LTBP2: variants seen among roughly 807,000 people sequenced by gnomAD.
The protein encoded by LTBP2 is latent-transforming growth factor beta-binding protein 2.
LTBP2 carries 103 observed loss-of-function variants against 210.6 expected under a neutral mutation model. The observed-to-expected ratio is 0.49, with a 90% CI of 0.42 to 0.58. The LOEUF is 0.58. Among genes scored for constraint, LTBP2 ranks in the 20% least tolerant of loss-of-function variants. The pLI is 0.00. For synonymous variants in LTBP2, 1,007 were observed against 1,015.0 expected, an observed-to-expected ratio of 0.99 and a Z score of 0.15; for missense variants, 2,313 against 2,494.5, an observed-to-expected ratio of 0.93 and a Z score of 1.55.
rs375244942 is a variant in LTBP2, at chr14:74,516,964, T to A, written c.2789-23A>T. ...TATCTGTGAACACACAGAAAAGCCC[T>A]GAGTCACAGCCAGCCCTGGAGGATG... On this transcript the variant is annotated intron_variant, in intron 17 of 35. Transcript: ENST00000261978. 4.1e-4 allele frequency: 638 copies of A among 1,549,724 alleles called. 1 individual carries two copies. Among genetic ancestry groups the A allele is most frequent in the Non-Finnish European group, 5.4e-4 (616 of 1,146,970 alleles).
At chr14:74,501,881 G>A (rs1404802973) in intron 34 of LTBP2, 3 of 503,472 alleles carry the variant, frequency 6.0e-6, no homozygotes, top group East Asian at 7.3e-5. Context: ...TGGGGTTTGG[G>A]TGGTCGAGGA....
chr14:74,542,972 T>C (rs1408580534), intron 8 of LTBP2, among the ~76,000 whole-genome samples: 2 of 151,924 alleles, frequency 1.3e-5, no homozygotes, highest in Admixed American at 6.6e-5. Flanking sequence ...TTTCACCATG[T>C]TGGCCAGGAT....
At chr14:74,544,204 T>C (rs1430271314) in intron 8 of LTBP2, among the ~76,000 whole-genome samples, 1 of 152,182 alleles carries the variant, frequency 6.6e-6, no homozygotes, top group Non-Finnish European at 1.5e-5. Context: ...GGGCATCTCA[T>C]CCAGAATCCC....
At chr14:74,545,383 T>C (rs2087564351) in intron 8 of LTBP2, among the ~76,000 whole-genome samples, 1 of 152,228 alleles carries the variant, frequency 6.6e-6, no homozygotes, top group Non-Finnish European at 1.5e-5. Context: ...GTTCAGGAAC[T>C]GGCGGCTATT....
At chr14:74,536,260 T>C (rs1193840823) in intron 8 of LTBP2, among the ~76,000 whole-genome samples, 2 of 152,154 alleles carry the variant, frequency 1.3e-5, no homozygotes, top group Admixed American at 6.5e-5. Flanking sequence ...CACTTACATA[T>C]GGGACCTAAG....
At chr14:74,552,663 T>C (rs2087676265) in intron 5 of LTBP2, among the ~76,000 whole-genome samples, 1 of 152,256 alleles carries the variant, frequency 6.6e-6, no homozygotes, top group African/African-American at 2.4e-5. Flanking sequence ...GGCATTATCA[T>C]GAACTCTGTC....
chr14:74,506,569 T>C lies in LTBP2; in HGVS notation c.4033+129A>G, dbSNP rs2086987879. The C allele has an allele frequency of 2.7e-6, 4 of 1,459,916 alleles. No individual in the cohort carries two copies. The South Asian group carries it at 3.5e-5, about 13-fold the overall frequency. The allele number at this position is 1,459,916 out of a possible 1,614,324, so 90.4% of individuals were successfully genotyped here. A position where few individuals can be genotyped will look rare whatever the true frequency, so the allele number is the denominator to read the frequency against. On this transcript the variant is annotated intron_variant, in intron 27 of 35. Transcript: ENST00000261978. The stretch of plus-strand genomic sequence containing the variant: ...GCGAGGAGTTGAAGTCTCCCTCTTC[T>C]TTGAAGCCTCCCTTGCCCATGCTCT...
In LTBP2 at chr14:74,535,910, G is replaced by C; in HGVS notation, c.1864+16C>G. ...CCCGGCATCCTTGAGCCCAGCCCTG[G>C]CCCTGGGGGTCCTACCTTGGCAGTG... is the stretch of plus-strand genomic sequence containing the variant. On this transcript the variant is annotated intron_variant, in intron 9 of 35. Coordinates refer to ENST00000261978, the MANE Select transcript of LTBP2 (RefSeq NM_000428.3). 1 of 1,612,632 alleles carries C rather than the reference G, an allele frequency of 6.2e-7. No homozygotes were observed. Among genetic ancestry groups the C allele is most frequent in the Non-Finnish European group, 8.5e-7 (1 of 1,178,650 alleles).
chr14:74,551,353 G>A lies in LTBP2; in HGVS notation c.1400-3C>T, dbSNP rs1206625720. ...CACCAGGGAGGGGTTCACGGAGGCT[G>A]GGCACAGGGGCTAGAGTCAGAGCCA... On this transcript the variant is annotated splice_polypyrimidine_tract_variant and splice_region_variant and intron_variant, in intron 6 of 35. Transcript: ENST00000261978. The A allele has an allele frequency of 3.8e-6, 6 of 1,560,092 alleles. No homozygotes were observed. Among genetic ancestry groups the A allele is most frequent in the African/African-American group, 1.3e-5 (1 of 74,276 alleles).
chr14:74,505,995 C>A, intron 28 of LTBP2, 53 bp downstream of exon 28: 1 of 1,607,034 alleles, frequency 6.2e-7, no homozygotes, highest in Admixed American at 1.7e-5. Flanking sequence ...CAGAGGGACA[C>A]GCTCTCTGTA....
intron 18 of LTBP2, 26 bp from the exon 19 acceptor site, chr14:74,511,390 G>A (rs1382780636): frequency 1.3e-5 from 21 of 1,613,464 alleles, no homozygotes; most frequent in Non-Finnish European, 1.7e-5. Flanking sequence ...CCCTCCCTTG[G>A]TCATCCCTGG....
intron 3 of LTBP2, among the ~76,000 whole-genome samples, chr14:74,574,555 C>G (rs1314532350): frequency 6.6e-6 from 1 of 152,198 alleles, no homozygotes; most frequent in East Asian, 1.9e-4. Context: ...GCCTGAAACA[C>G]AGCAGGGTGC....
intron 15 of LTBP2, among the ~76,000 whole-genome samples, chr14:74,523,631 G>A (rs564441370): frequency 2.6e-5 from 4 of 152,156 alleles, no homozygotes; most frequent in African/African-American, 2.4e-5. Flanking sequence ...ACTGGGACTC[G>A]GGGTTGAGGC....
chr14:74,541,935 G>A (rs1431614219), intron 8 of LTBP2, among the ~76,000 whole-genome samples: 5 of 152,188 alleles, frequency 3.3e-5, no homozygotes, highest in African/African-American at 1.2e-4. Context: ...TATCACAAGG[G>A]GTAAGGGGTC....
At chr14:74,599,196 T>C (rs1344903187) in intron 2 of LTBP2, among the ~76,000 whole-genome samples, 1 of 152,206 alleles carries the variant, frequency 6.6e-6, no homozygotes, top group Non-Finnish European at 1.5e-5. Context: ...GAGCTGGGAC[T>C]CAAACACGTC....
chr14:74,586,027 C>T lies in LTBP2; in HGVS notation c.657G>A (p.Glu219=), dbSNP rs190421582. Residue 219 remains glutamate (E), a synonymous_variant, in exon 3 of 36, where the codon GAG becomes GAA. Coordinates refer to ENST00000261978, the MANE Select transcript of LTBP2 (RefSeq NM_000428.3). The surrounding 1 kb of genome is among the most constrained non-coding windows in gnomAD (Gnocchi z 4.6). ...CRSGFRGARC[E]EVIPDEEFDP... ...CAAATTCCTCATCGGGAATGACCTC[C>T]TCGCAGCGGGCTCCACGGAAACCAG... is the stretch of plus-strand genomic sequence containing the variant. 1 of 1,604,904 alleles carries T rather than the reference C, an allele frequency of 6.2e-7. No homozygotes were observed. The highest frequency in any genetic ancestry group is 8.5e-7 in the Non-Finnish European group (1 of 1,175,966).
At chr14:74,560,736 A>C (rs1275980110) in intron 3 of LTBP2, among the ~76,000 whole-genome samples, 1 of 152,200 alleles carries the variant, frequency 6.6e-6, no homozygotes, top group Non-Finnish European at 1.5e-5. Flanking sequence ...ATTTGGGGGG[A>C]AAACCCCCAA....
At chr14:74,556,103 C>T (rs1236525750) in intron 3 of LTBP2, among the ~76,000 whole-genome samples, 1 of 152,202 alleles carries the variant, frequency 6.6e-6, no homozygotes, top group Non-Finnish European at 1.5e-5. Flanking sequence ...CCTACCACTT[C>T]TTAATATATC....
intron 35 of LTBP2, 39 bp downstream of exon 35, chr14:74,501,402 T>G: frequency 1.2e-6 from 2 of 1,613,756 alleles, no homozygotes; most frequent in South Asian, 2.2e-5. Context: ...CTGTGGGCAG[T>G]GGGCCAGCCT....
Sources: gnomAD v4.1 joint callset for allele counts (sites outside exome capture counted in the v4.1 genomes callset) on GRCh38, gnomAD v4.1.1 for gene constraint, Gnocchi (gnomAD v3.1) non-coding constraint, MANE v1.5 for transcripts, NCBI Gene and HGNC (gene_info 2026-07-23, HGNC 2026-07-21) for gene names.